FOXP1: variants seen among roughly 807,000 people sequenced by gnomAD.
FOXP1 encodes forkhead box P1.
A neutral mutation model predicts 98.2 loss-of-function variants in FOXP1; 15 were observed. That is an observed-to-expected ratio of 0.15 (90% CI 0.10 to 0.24). The LOEUF (loss-of-function observed/expected upper bound fraction) is 0.24, where lower values mean the gene tolerates loss of function less well. Ranked by LOEUF, FOXP1 falls within the 10% of genes least tolerant of loss-of-function variation. The pLI is 1.00. For synonymous variants in FOXP1, 371 were observed against 314.5 expected (o/e 1.18, Z -1.90); for missense variants, 633 against 848.5 (o/e 0.75, Z 3.15).
chr3:71,267,124 A>AGAGAGTGTGTGTGTGTGTGT (rs142661368), intron 5 of FOXP1, among the ~76,000 whole-genome samples: 3 of 148,298 alleles, frequency 2.0e-5, no homozygotes, highest in African/African-American at 5.0e-5. Flanking sequence ...TATGGGAGAG[A>AGAGAGTGTGTGTGTGTGTGT]GTGTGTGTGT....
intron 6 of FOXP1, among the ~76,000 whole-genome samples, chr3:71,165,757 G>A (rs921103273): frequency 8.5e-5 from 13 of 152,140 alleles, no homozygotes; most frequent in African/African-American, 3.1e-4. Flanking sequence ...AGAGGCATCC[G>A]AGACAACCAG....
At chr3:71,326,874 G>C (rs909348014) in intron 4 of FOXP1, among the ~76,000 whole-genome samples, 3 of 152,168 alleles carry the variant, frequency 2.0e-5, no homozygotes, top group African/African-American at 4.8e-5. Context: ...TGCAGAATGA[G>C]ACAATAATCC....
chr3:70,981,196 A>AAAC (rs2038787376), intron 14 of FOXP1, among the ~76,000 whole-genome samples: 1 of 66,084 alleles, frequency 1.5e-5, no homozygotes, highest in South Asian at 3.5e-4. Context: ...TCTACCAAAA[A>AAAC]AAAAAAAAAA....
At chr3:71,369,940 G>A (rs1336341650) in intron 3 of FOXP1, among the ~76,000 whole-genome samples, 3 of 152,140 alleles carry the variant, frequency 2.0e-5, no homozygotes, top group Non-Finnish European at 4.4e-5. Flanking sequence ...AAAGCACATG[G>A]GAATGATTAA....
At chr3:71,545,817 C>T (rs1433576529) in intron 2 of FOXP1, among the ~76,000 whole-genome samples, 2 of 152,160 alleles carry the variant, frequency 1.3e-5, no homozygotes, top group Admixed American at 1.3e-4. Context: ...TAAGCTATTG[C>T]CATGTCCCTT....
At chr3:71,206,009 T>G (rs2064007949) in intron 5 of FOXP1, among the ~76,000 whole-genome samples, 1 of 152,204 alleles carries the variant, frequency 6.6e-6, no homozygotes, top group Non-Finnish European at 1.5e-5. Flanking sequence ...GGAAGAAGCA[T>G]TCAGATTAAA....
intron 5 of FOXP1, among the ~76,000 whole-genome samples, chr3:71,279,707 G>T (rs556228165): frequency 1.1e-3 from 163 of 152,196 alleles, no homozygotes; most frequent in African/African-American, 3.9e-3. Flanking sequence ...TAATAATGTT[G>T]CTATATATCA....
At chr3:71,454,705 G>C (rs1208004702) in intron 3 of FOXP1, among the ~76,000 whole-genome samples, 2 of 152,034 alleles carry the variant, frequency 1.3e-5, no homozygotes, top group Admixed American at 1.3e-4. Context: ...TTGATGGGGA[G>C]ATGGTAGCGA....
intron 3 of FOXP1, among the ~76,000 whole-genome samples, chr3:71,372,388 G>A (rs1299411076): frequency 1.3e-5 from 2 of 152,106 alleles, no homozygotes; most frequent in Non-Finnish European, 2.9e-5. Context: ...GGCTAGACAG[G>A]CTTTCCCAAG....
At chr3:71,552,824 A>G (rs1197913862) in intron 2 of FOXP1, among the ~76,000 whole-genome samples, 1 of 152,020 alleles carries the variant, frequency 6.6e-6, no homozygotes, top group Non-Finnish European at 1.5e-5. Flanking sequence ...AGACTATTAG[A>G]TTCTTTTGAA....
At chr3:70,982,214 G>T (rs1425197878) in intron 14 of FOXP1, among the ~76,000 whole-genome samples, 1 of 152,140 alleles carries the variant, frequency 6.6e-6, no homozygotes, top group African/African-American at 2.4e-5. Flanking sequence ...GAGCAAATGG[G>T]GAATGGTGTG....
chr3:71,055,851 T>G (rs936393478), intron 7 of FOXP1, among the ~76,000 whole-genome samples: 32 of 152,208 alleles, frequency 2.1e-4, no homozygotes, highest in African/African-American at 7.7e-4. Flanking sequence ...TCTTGGATGA[T>G]GTACAATATA....
chr3:71,081,595 C>T (rs559318373), intron 7 of FOXP1, among the ~76,000 whole-genome samples: 1 of 152,174 alleles, frequency 6.6e-6, no homozygotes, highest in Non-Finnish European at 1.5e-5. Context: ...AAATAATCAG[C>T]CTCCAACACT....
rs1205788796 is a variant in FOXP1 at position 70,971,839 on chromosome 3, G to A, written c.1652+716C>T. 1.8e-5 allele frequency: 8 copies of A among 443,494 alleles called. No homozygotes were observed. The East Asian group carries it at 2.8e-4, about 16-fold the overall frequency. 27.5% of individuals were successfully genotyped at this position (443,494 alleles called of 1,614,324 possible). On this transcript the variant is annotated intron_variant, in intron 18 of 20. Coordinates refer to ENST00000649528, the MANE Select transcript of FOXP1 (RefSeq NM_001349338.3). ...TCAAAAAAGCATTATTCAAGGCACT[G>A]GTGTTCCAAAGAGAAACGAGAGCAA... is the stretch of plus-strand genomic sequence containing the variant.
At chr3:70,990,252 A>G (rs1465448075) in intron 13 of FOXP1, among the ~76,000 whole-genome samples, 2 of 152,198 alleles carry the variant, frequency 1.3e-5, no homozygotes, top group Admixed American at 6.5e-5. Flanking sequence ...CTTTAAATCA[A>G]TTACAGCTCT....
At chr3:71,415,183 C>G (rs929389684) in intron 3 of FOXP1, among the ~76,000 whole-genome samples, 1 of 152,136 alleles carries the variant, frequency 6.6e-6, no homozygotes. Context: ...GAAATTCATT[C>G]GACACGTGTC....
chr3:70,987,939 G>T, intron 14 of FOXP1, 55 bp downstream of exon 14: 1 of 1,546,518 alleles, frequency 6.5e-7, no homozygotes, highest in Non-Finnish European at 8.9e-7. Context: ...TGGGGAAGTA[G>T]AAAAGGAATA....
intron 3 of FOXP1, chr3:71,360,348 CTT>C (rs558754806): frequency 2.9e-4 from 44 of 151,506 alleles, no homozygotes; most frequent in Admixed American, 1.8e-3. Context: ...GTTAGCAACT[CTT>C]TTTTTTTCAG....
At chr3:71,005,722 T>TA (rs1160962756) in intron 12 of FOXP1, among the ~76,000 whole-genome samples, 1 of 152,040 alleles carries the variant, frequency 6.6e-6, no homozygotes, top group Non-Finnish European at 1.5e-5. Flanking sequence ...TGAAGAGATT[T>TA]AAAAAACCTT....
Sources: gnomAD v4.1 joint callset for allele counts (sites outside exome capture counted in the v4.1 genomes callset) on GRCh38, gnomAD v4.1.1 for gene constraint, MANE v1.5 for transcripts, NCBI Gene and HGNC (gene_info 2026-07-23, HGNC 2026-07-21) for gene names.